Variants in SPI1 observed in about 807,000 individuals in gnomAD.
The protein encoded by SPI1 is transcription factor PU.1.
Under a neutral mutation model 30.7 loss-of-function variants are expected in SPI1, and 3 were observed. The observed-to-expected ratio is 0.10, with a 90% CI of 0.04 to 0.25. The LOEUF is 0.25. SPI1 is among the 10% of genes least tolerant of loss of function. The pLI is 1.00. For missense variants in SPI1, 261 were observed against 371.5 expected, an observed-to-expected ratio of 0.70 and a Z score of 2.45; for synonymous variants, 169 against 157.1, an observed-to-expected ratio of 1.08 and a Z score of -0.56.
chr11:47,356,695 G>A (rs193299119), intron 4 of SPI1, among the ~76,000 whole-genome samples: 228 of 149,876 alleles, frequency 1.5e-3, no homozygotes, highest in Middle Eastern at 3.5e-3. Flanking sequence ...GCTCACCCTT[G>A]CACACACATG....
At chr11:47,369,680 G>GA (rs1427462027) in intron 2 of SPI1, among the ~76,000 whole-genome samples, 1 of 152,034 alleles carries the variant, frequency 6.6e-6, no homozygotes, top group Non-Finnish European at 1.5e-5. Flanking sequence ...GAAGACAGTA[G>GA]AAAAATGCTT....
chr11:47,363,385 A>G (rs763088547), intron 2 of SPI1, among the ~76,000 whole-genome samples: 5 of 151,886 alleles, frequency 3.3e-5, no homozygotes, highest in Non-Finnish European at 4.4e-5. Context: ...GCTGGGTGTG[A>G]TGGCAGGCGC....
chr11:47,364,413 T>C (rs1221131824), intron 2 of SPI1, among the ~76,000 whole-genome samples: 1 of 152,128 alleles, frequency 6.6e-6, no homozygotes, highest in East Asian at 1.9e-4. Flanking sequence ...TTTGCTCTGC[T>C]CTTTAGTGAG....
intron 2 of SPI1, among the ~76,000 whole-genome samples, chr11:47,363,963 CAAAA>C (rs1161379136): frequency 3.4e-5 from 2 of 58,882 alleles, no homozygotes; most frequent in Non-Finnish European, 5.9e-5. Context: ...ACTCGGTCTC[CAAAA>C]AAAAAAAAAA....
At chr11:47,362,093 C>CTCTGTTA (rs1320140192) in intron 2 of SPI1, among the ~76,000 whole-genome samples, 3 of 152,162 alleles carry the variant, frequency 2.0e-5, no homozygotes, top group African/African-American at 7.2e-5. Context: ...TCTATTTCTC[C>CTCTGTTA]AAGCCTGTGT....
At chr11:47,358,604 GCA>G in intron 4 of SPI1, 1 of 704,398 alleles carries the variant, frequency 1.4e-6, no homozygotes. Context: ...CACACTCATG[GCA>G]CAGAGAGACA....
intron 2 of SPI1, among the ~76,000 whole-genome samples, chr11:47,368,535 G>A (rs1271246428): frequency 6.6e-6 from 1 of 152,190 alleles, no homozygotes; most frequent in Non-Finnish European, 1.5e-5. Context: ...GCAAAACGTG[G>A]CACATGCGCA....
At chr11:47,357,971 C>T (rs1472400756) in intron 4 of SPI1, among the ~76,000 whole-genome samples, 1 of 151,572 alleles carries the variant, frequency 6.6e-6, no homozygotes, top group Non-Finnish European at 1.5e-5. Context: ...GGTGCTTAAG[C>T]ACGTCCTCAC....
chr11:47,362,944 TAAA>T (rs1186115662), intron 2 of SPI1, among the ~76,000 whole-genome samples: 1 of 146,270 alleles, frequency 6.8e-6, no homozygotes, highest in South Asian at 2.2e-4. Context: ...TTTTTTTAAC[TAAA>T]AAAAAAAGCC....
At position 47,378,403 on chromosome 11, in the gene SPI1, G is replaced by A. The variant is rs183271680; in HGVS notation, c.-50C>T. On this transcript the variant is annotated 5_prime_UTR_variant, in exon 1 of 5. Coordinates refer to ENST00000378538, the MANE Select transcript of SPI1 (RefSeq NM_003120.3). ...ATCCCCTGCCTCGGTGGGGGCCAATGCAGAGCCCCTCAGGATGGGGTGCCC... is the reference window on the plus strand; with the variant it reads ...ATCCCCTGCCTCGGTGGGGGCCAATACAGAGCCCCTCAGGATGGGGTGCCC... 1.3e-5 allele frequency: 20 copies of A among 1,584,876 alleles called. No homozygotes were observed. The African/African-American group carries it at 1.5e-4, about 12-fold the overall frequency.
chr11:47,355,593 G>C (rs1430609694), intron 4 of SPI1, 47 bp from the exon 5 acceptor site: 1 of 1,487,944 alleles, frequency 6.7e-7, no homozygotes, highest in Admixed American at 2.2e-5. Flanking sequence ...GCCCACATGG[G>C]AGCCGCCCCC....
At chr11:47,370,358 G>A (rs2095934020) in intron 2 of SPI1, among the ~76,000 whole-genome samples, 1 of 149,444 alleles carries the variant, frequency 6.7e-6, no homozygotes. Flanking sequence ...AGCTGAGATT[G>A]CACACTGCAC....
At chr11:47,356,577 C>T (rs962722966) in intron 4 of SPI1, among the ~76,000 whole-genome samples, 9 of 151,832 alleles carry the variant, frequency 5.9e-5, no homozygotes, top group Admixed American at 2.0e-4. Flanking sequence ...CCTGCTCATA[C>T]ACCTCACACC....
At chr11:47,378,216 A>AG in intron 1 of SPI1, 93 bp downstream of exon 1, 1 of 1,348,236 alleles carries the variant, frequency 7.4e-7, no homozygotes, top group Non-Finnish European at 1.1e-6. Flanking sequence ...ATAGCAAGCC[A>AG]GGAGGGCAGT....
At chr11:47,376,351 C>G (rs1027999078) in intron 1 of SPI1, among the ~76,000 whole-genome samples, 8 of 152,070 alleles carry the variant, frequency 5.3e-5, no homozygotes, top group Admixed American at 5.2e-4. Flanking sequence ...CTCAACCGCA[C>G]AGCACACACT....
In SPI1 at chr11:47,363,814, T is replaced by C. The variant is rs564889099; in HGVS notation, c.143-3774A>G. Among the ~76,000 whole-genome samples the C allele has an allele frequency of 5.9e-5, 9 of 151,290 alleles. 1 individual carries two copies. In the South Asian group the frequency reaches 1.3e-3, roughly 21 times the overall value. The stretch of plus-strand genomic sequence containing the variant: ...CCCGTCTCTACAAAAATATAAAAAT[T>C]AGCTGGGCCTGATGGCAGGTGCCTG... On this transcript the variant is annotated intron_variant, in intron 2 of 4. Transcript: ENST00000378538.
chr11:47,367,576 C>T (rs1012914336), intron 2 of SPI1, among the ~76,000 whole-genome samples: 3 of 139,728 alleles, frequency 2.1e-5, no homozygotes, highest in Non-Finnish European at 4.6e-5. Flanking sequence ...AAAATCCTAT[C>T]GTAAATAGCA....
At chr11:47,365,778 C>G (rs1003152777) in intron 2 of SPI1, among the ~76,000 whole-genome samples, 7 of 152,120 alleles carry the variant, frequency 4.6e-5, no homozygotes, top group African/African-American at 1.4e-4. Flanking sequence ...CTCACTGCAA[C>G]CTCCGCCTCC....
In SPI1 at chr11:47,375,483, A is replaced by T; in HGVS notation, c.142+150T>A. On this transcript the variant is annotated intron_variant, in intron 2 of 4. Transcript: ENST00000378538. This position sits in a 1 kb window ranked among gnomAD's most constrained non-coding sequence, Gnocchi z 4.2. Reference sequence around the variant, plus strand: ...GCTCAGGTGTGGGGGTGCAGCGATGATGCTGCAGTTCACTGCCTTTGAGAG... The same window carrying T: ...GCTCAGGTGTGGGGGTGCAGCGATGTTGCTGCAGTTCACTGCCTTTGAGAG... The T allele has an allele frequency of 1.5e-6, 1 of 653,276 alleles. No homozygotes were observed. The highest frequency in any genetic ancestry group is 1.8e-5 in the African/African-American group (1 of 55,708). 40.5% of individuals were successfully genotyped at this position (653,276 alleles called of 1,614,324 possible). A position where few individuals can be genotyped will look rare whatever the true frequency, so the allele number is the denominator to read the frequency against.
Sources: allele counts gnomAD v4.1 joint callset (sites outside exome capture counted in the v4.1 genomes callset), GRCh38; gene constraint gnomAD v4.1.1; non-coding constraint Gnocchi (gnomAD v3.1); transcripts MANE v1.5; gene names NCBI Gene and HGNC (gene_info 2026-07-23, HGNC 2026-07-21).